The following MYO16 variants were observed in gnomAD, a reference collection of about 807,000 sequenced individuals.
MYO16 encodes unconventional myosin-XVI.
MYO16 carries 94 observed loss-of-function variants against 205.3 expected under a neutral mutation model. The observed-to-expected ratio is 0.46, with a 90% confidence interval of 0.39 to 0.54. MYO16 has a LOEUF of 0.54. Among genes scored for constraint, MYO16 ranks in the 20% least tolerant of loss-of-function variants. MYO16 has a pLI of 0.00. For synonymous variants in MYO16, 988 were observed against 954.0 expected, an observed-to-expected ratio of 1.04 and a Z score of -0.66; for missense variants, 2,315 against 2,387.5, an observed-to-expected ratio of 0.97 and a Z score of 0.63.
At chr13:109,010,360 A>G (rs930180772) in intron 22 of MYO16, among the ~76,000 whole-genome samples, 3 of 152,162 alleles carry the variant, frequency 2.0e-5, no homozygotes, top group African/African-American at 7.2e-5. Flanking sequence ...TTATTGCTTT[A>G]TTTCAGACAT....
chr13:108,799,756 T>C (rs1434836770), intron 6 of MYO16, among the ~76,000 whole-genome samples: 1 of 152,218 alleles, frequency 6.6e-6, no homozygotes, highest in Admixed American at 6.5e-5. Context: ...AACTTAGTGC[T>C]GTACCAGGTT....
intron 16 of MYO16, among the ~76,000 whole-genome samples, chr13:108,928,444 G>T (rs1882107534): frequency 6.6e-6 from 1 of 152,128 alleles, no homozygotes; most frequent in African/African-American, 2.4e-5. Flanking sequence ...ATAATAAAAT[G>T]GTAATTAATA....
chr13:108,808,902 C>G (rs1372258218), intron 7 of MYO16, among the ~76,000 whole-genome samples: 1 of 152,152 alleles, frequency 6.6e-6, no homozygotes, highest in African/African-American at 2.4e-5. Context: ...CAGAAACCTT[C>G]CTAGAGAATC....
At position 109,125,062 on chromosome 13, in the gene MYO16, G is replaced by C. The variant is rs898104056; in HGVS notation, c.3536-50G>C. On this transcript the variant is annotated intron_variant, in intron 29 of 34. Coordinates refer to ENST00000457511, the MANE Select transcript of MYO16 (RefSeq NM_001198950.3). This position sits in a 1 kb window ranked among gnomAD's most constrained non-coding sequence, Gnocchi z 4.0. ...TTATGATTTTTGTTTGTGCATGTCT[G>C]AGTTTTTCACTTTTCCTCCATTTAC... is the stretch of plus-strand genomic sequence containing the variant. 2 of 1,594,036 alleles carry C rather than the reference G, an allele frequency of 1.3e-6. No individual in the cohort carries two copies. The highest frequency in any genetic ancestry group is 1.7e-6 in the Non-Finnish European group (2 of 1,168,366).
At chr13:108,575,749 G>C in the MYO16 span, among the ~76,000 whole-genome samples, 18 of 152,100 alleles carry the variant, frequency 1.2e-4, no homozygotes, top group Non-Finnish European at 2.2e-4. Context: ...TCTTCTCTCT[G>C]TTCCGTGTTT....
Position 109,192,988 on chromosome 13 carries a change from A to G in MYO16, c.5415+13355A>G, listed in dbSNP as rs184632944. Among the ~76,000 whole-genome samples the G allele has an allele frequency of 9.8e-5, 15 of 152,308 alleles. 1 individual carries two copies. The highest frequency in any genetic ancestry group is 9.2e-4 in the Admixed American group (14 of 15,300). On this transcript the variant is annotated intron_variant, in intron 34 of 34. Coordinates refer to ENST00000457511, the MANE Select transcript of MYO16 (RefSeq NM_001198950.3). ...ATAATCTTTATTCTTTAAGATAGCC[A>G]AAATCATGCCTCTTCATGTCTTCCA...
the MYO16 span, among the ~76,000 whole-genome samples, chr13:108,555,081 T>C: frequency 1.3e-5 from 2 of 152,298 alleles, no homozygotes; most frequent in East Asian, 3.9e-4. Flanking sequence ...AGAGAATTAT[T>C]AAATATTTGG....
chr13:108,564,381 G>A, the MYO16 span, among the ~76,000 whole-genome samples: 1 of 152,092 alleles, frequency 6.6e-6, no homozygotes, highest in Non-Finnish European at 1.5e-5. Flanking sequence ...ATGCTGGTCA[G>A]TCTGGTTTCC....
At chr13:108,711,137 C>T (rs16972965) in intron 2 of MYO16, among the ~76,000 whole-genome samples, 3,459 of 152,248 alleles carry the variant, frequency 0.023, 138 homozygotes, top group African/African-American at 0.074. Flanking sequence ...CGAAACAGGA[C>T]GGTTCTTAGA....
At chr13:109,015,221 A>G (rs182987583) in intron 22 of MYO16, among the ~76,000 whole-genome samples, 2 of 152,272 alleles carry the variant, frequency 1.3e-5, no homozygotes, top group Non-Finnish European at 2.9e-5. Context: ...TGAGATAATC[A>G]TGTGGTTTTT....
chr13:108,824,548 C>G (rs183473310), intron 9 of MYO16, among the ~76,000 whole-genome samples: 2 of 152,060 alleles, frequency 1.3e-5, no homozygotes, highest in East Asian at 3.9e-4. Flanking sequence ...GCCCAACTTT[C>G]AAAAACAAAT....
intron 4 of MYO16, among the ~76,000 whole-genome samples, chr13:108,730,264 C>T (rs576365180): frequency 6.6e-6 from 1 of 152,264 alleles, no homozygotes; most frequent in Non-Finnish European, 1.5e-5. Context: ...ACTGGGCTCT[C>T]ATTATTTCTC....
At chr13:109,001,544 A>G (rs541302130) in intron 21 of MYO16, among the ~76,000 whole-genome samples, 19 of 152,192 alleles carry the variant, frequency 1.2e-4, no homozygotes, top group Non-Finnish European at 2.4e-4. Context: ...ACAATTATAG[A>G]TTCTGAGAAG....
At chr13:109,092,381 C>T (rs1019010771) in intron 27 of MYO16, among the ~76,000 whole-genome samples, 1 of 151,962 alleles carries the variant, frequency 6.6e-6, no homozygotes, top group Non-Finnish European at 1.5e-5. Flanking sequence ...TACATATATG[C>T]CATGGAATAC....
chr13:108,771,449 C>A (rs1259905151), intron 4 of MYO16, among the ~76,000 whole-genome samples: 1 of 152,142 alleles, frequency 6.6e-6, no homozygotes, highest in Non-Finnish European at 1.5e-5. Flanking sequence ...AGCATCCCCA[C>A]CAGAGTAGTT....
chr13:108,699,873 T>C (rs1883232255), intron 2 of MYO16, among the ~76,000 whole-genome samples: 3 of 152,130 alleles, frequency 2.0e-5, no homozygotes, highest in Admixed American at 2.0e-4. Context: ...GAGATACATA[T>C]TTTTAGGGAC....
intron 27 of MYO16, among the ~76,000 whole-genome samples, chr13:109,095,520 CCTGT>C (rs1401728033): frequency 1.3e-5 from 2 of 152,114 alleles, no homozygotes; most frequent in Non-Finnish European, 2.9e-5. Flanking sequence ...AGTATGTCAT[CCTGT>C]CTGAGGTGAT....
intron 21 of MYO16, among the ~76,000 whole-genome samples, chr13:109,007,367 G>A (rs1008177716): frequency 6.6e-5 from 10 of 150,906 alleles, no homozygotes; most frequent in African/African-American, 1.2e-4. Flanking sequence ...CAGCCTGGGC[G>A]ACAGGGCGAG....
At chr13:108,740,894 G>A (rs912093338) in intron 4 of MYO16, among the ~76,000 whole-genome samples, 3 of 152,164 alleles carry the variant, frequency 2.0e-5, no homozygotes, top group Non-Finnish European at 4.4e-5. Context: ...TGCTGTGCTA[G>A]CAATGAGTGA....
Sources: allele counts gnomAD v4.1 joint callset (sites outside exome capture counted in the v4.1 genomes callset), GRCh38; gene constraint gnomAD v4.1.1; non-coding constraint Gnocchi (gnomAD v3.1); transcripts MANE v1.5; gene names NCBI Gene and HGNC (gene_info 2026-07-23, HGNC 2026-07-21).